The following CAND1 variants were observed in gnomAD, a reference collection of about 807,000 sequenced individuals.
The protein encoded by CAND1 is cullin associated and neddylation dissociated 1, also known as cullin-associated NEDD8-dissociated protein 1.
CAND1 carries 7 observed loss-of-function variants against 108.5 expected under a neutral mutation model. The observed-to-expected ratio is 0.06, with a 90% CI of 0.04 to 0.12. The LOEUF (loss-of-function observed/expected upper bound fraction) is 0.12, where lower values mean the gene tolerates loss of function less well. Among genes scored for constraint, CAND1 ranks in the 10% least tolerant of loss-of-function variants. The pLI, the probability that CAND1 is intolerant of heterozygous loss-of-function variation, is 1.00. For missense variants in CAND1, 941 were observed against 1,448.7 expected (o/e 0.65, Z 5.69); for synonymous variants, 534 against 512.0 (o/e 1.04, Z -0.58).
rs1182102350 is a variant in CAND1 at position 67,305,292 on chromosome 12, G to A, written c.1624G>A (p.Val542Ile). The change falls in exon 10 of 15, where the codon GTT becomes ATT. Residue 542 changes from valine to isoleucine, a missense_variant. By Grantham distance (29) the Val-to-Ile change is conservative (BLOSUM62 3). Around this residue, in one of 9 missense-constraint regions of CAND1, gnomAD observed 697 missense variants for 942.0 expected, o/e 0.74. Transcript: ENST00000545606. This position sits in a 1 kb window ranked among gnomAD's most constrained non-coding sequence, Gnocchi z 4.4. ...FYKITSEALL[V>I]TQQLVKVIRP... ...CAAAATTACATCTGAAGCACTTCTT[G>A]TTACTCAACAGCTTGTCAAAGTAAT... 1.2e-6 allele frequency: 2 copies of A among 1,614,112 alleles called. No homozygotes were observed. Among genetic ancestry groups the A allele is most frequent in the Non-Finnish European group, 8.5e-7 (1 of 1,180,012 alleles).
chr12:67,291,640 G>A (rs552423345), intron 2 of CAND1, among the ~76,000 whole-genome samples: 51 of 152,198 alleles, frequency 3.4e-4, no homozygotes, highest in African/African-American at 1.2e-3. Flanking sequence ...AATTTTATAT[G>A]ATATTTTTAG....
intron 13 of CAND1, chr12:67,310,661 C>T (rs2044939468): frequency 6.1e-6 from 1 of 164,446 alleles, no homozygotes; most frequent in Non-Finnish European, 1.3e-5. Flanking sequence ...CCTGTCTTAA[C>T]ATTGGACCAT....
intron 1 of CAND1, among the ~76,000 whole-genome samples, chr12:67,278,799 G>C (rs1387528063): frequency 6.6e-6 from 1 of 152,174 alleles, no homozygotes; most frequent in African/African-American, 2.4e-5. Flanking sequence ...GATTACAGGC[G>C]TGAGCCACTG....
chr12:67,289,880 T>A (rs1377005146), intron 2 of CAND1, among the ~76,000 whole-genome samples: 1 of 152,186 alleles, frequency 6.6e-6, no homozygotes, highest in Non-Finnish European at 1.5e-5. Context: ...GCCTACTACT[T>A]CTTTGGTCAA....
intron 10 of CAND1, among the ~76,000 whole-genome samples, 176 bp from the exon 11 acceptor site, chr12:67,307,221 A>G (rs1258606455): frequency 1.3e-5 from 2 of 152,096 alleles, no homozygotes; most frequent in Non-Finnish European, 2.9e-5. Context: ...TTTTGTGCTC[A>G]TAAGTAAGTT....
At chr12:67,275,221 C>G (rs527658733) in intron 1 of CAND1, among the ~76,000 whole-genome samples, 4 of 151,894 alleles carry the variant, frequency 2.6e-5, no homozygotes, top group Non-Finnish European at 2.9e-5. Context: ...TTTACATGAA[C>G]AATATTAAGA....
At chr12:67,299,607 T>C (rs903295522) in intron 7 of CAND1, among the ~76,000 whole-genome samples, 15 of 152,178 alleles carry the variant, frequency 9.9e-5, no homozygotes, top group Admixed American at 9.2e-4. Flanking sequence ...TCATAGTTCA[T>C]GAAAAATTCT....
intron 2 of CAND1, among the ~76,000 whole-genome samples, chr12:67,284,540 G>A (rs1014415717): frequency 8.5e-5 from 13 of 152,236 alleles, no homozygotes; most frequent in African/African-American, 2.9e-4. Context: ...AGTATAATTA[G>A]GGAGGTGAAG....
chr12:67,285,531 T>C (rs1319670687), intron 2 of CAND1, among the ~76,000 whole-genome samples: 5 of 152,138 alleles, frequency 3.3e-5, no homozygotes, highest in Non-Finnish European at 7.3e-5. Flanking sequence ...CCTATAAATA[T>C]TATGTCTCTA....
rs1296658458 is a variant in CAND1, at chr12:67,306,424, C to T, written c.2756C>T (p.Ser919Phe). Residue 919 changes from serine (S) to phenylalanine (F), a missense_variant, in exon 10 of 15, where the codon TCT (serine) becomes TTT (phenylalanine). Physicochemically the swap from Ser to Phe is radical, Grantham distance 155. Transcript: ENST00000545606. ...CATTCCTTGAAGGAAATTATTAGCTCTGCATCAGTGGTGGGCCTTAAACCA... is the reference window on the plus strand; with the variant it reads ...CATTCCTTGAAGGAAATTATTAGCTTTGCATCAGTGGTGGGCCTTAAACCA... ...LLHSLKEIIS[S>F]ASVVGLKPYV... The T allele has an allele frequency of 6.2e-7, 1 of 1,613,924 alleles. No individual in the cohort carries two copies. The highest frequency in any genetic ancestry group is 1.3e-5 in the African/African-American group (1 of 74,906).
chr12:67,287,544 G>A (rs558404087), intron 2 of CAND1, among the ~76,000 whole-genome samples: 11 of 152,060 alleles, frequency 7.2e-5, no homozygotes, highest in Admixed American at 2.0e-4. Flanking sequence ...CTAAACAATC[G>A]TCATCAGTGA....
chr12:67,303,277 T>C (rs1352538459), intron 8 of CAND1, among the ~76,000 whole-genome samples: 1 of 152,186 alleles, frequency 6.6e-6, no homozygotes, highest in East Asian at 1.9e-4. Context: ...TAGGTCAATT[T>C]TTATAGATTA....
chr12:67,281,316 C>G (rs2044618052), intron 1 of CAND1, among the ~76,000 whole-genome samples: 1 of 151,520 alleles, frequency 6.6e-6, no homozygotes, highest in Non-Finnish European at 1.5e-5. Context: ...GGCGACAGAG[C>G]AAGACTCCCT....
intron 2 of CAND1, among the ~76,000 whole-genome samples, chr12:67,292,314 T>TA (rs1206547979): frequency 6.6e-6 from 1 of 152,066 alleles, no homozygotes; most frequent in Non-Finnish European, 1.5e-5. Context: ...CTCAAAAAAA[T>TA]AAAAAATAAG....
Position 67,313,547 on chromosome 12 carries a change from T to C in CAND1, c.*717T>C, listed in dbSNP as rs1469119615. On this transcript the variant is annotated 3_prime_UTR_variant, in exon 15 of 15. Transcript: ENST00000545606. ...ATTTATTTTTGCACAGAAAACACAT[T>C]ATCTGGAGAGAAAGAAAGGAGAATT... 1 of 152,614 alleles carries C rather than the reference T, an allele frequency of 6.6e-6. No homozygotes were observed. Among genetic ancestry groups the C allele is most frequent in the African/African-American group, 2.4e-5 (1 of 41,450 alleles). 9.5% of individuals were successfully genotyped at this position (152,614 alleles called of 1,614,324 possible).
intron 4 of CAND1, 145 bp downstream of exon 4, chr12:67,295,301 G>T: frequency 3.3e-6 from 2 of 607,912 alleles, no homozygotes. Context: ...GTGTGATTGG[G>T]AGTGAGGGGG....
intron 1 of CAND1, among the ~76,000 whole-genome samples, chr12:67,275,309 C>T (rs2135989333): frequency 1.3e-5 from 2 of 152,248 alleles, no homozygotes; most frequent in Middle Eastern, 6.8e-3. Flanking sequence ...GGCAGATCAT[C>T]TGAGGTCAGG....
chr12:67,281,015 T>C (rs1565715577), intron 1 of CAND1, among the ~76,000 whole-genome samples: 1 of 151,930 alleles, frequency 6.6e-6, no homozygotes, highest in African/African-American at 2.4e-5. Flanking sequence ...CCGAGGTAGG[T>C]GGATTCCCTG....
chr12:67,283,420 C>A (rs2044638387), intron 2 of CAND1, among the ~76,000 whole-genome samples: 1 of 151,938 alleles, frequency 6.6e-6, no homozygotes, highest in African/African-American at 2.4e-5. Flanking sequence ...CCTGTCTCTA[C>A]TAAAATACAA....
Sources: gnomAD v4.1 joint callset for allele counts (sites outside exome capture counted in the v4.1 genomes callset) on GRCh38, gnomAD v4.1.1 for gene constraint, gnomAD v4.1.1 regional missense constraint, Gnocchi (gnomAD v3.1) non-coding constraint, MANE v1.5 for transcripts, NCBI Gene and HGNC (gene_info 2026-07-23, HGNC 2026-07-21) for gene names.